CTNNA3: variants seen among roughly 807,000 people sequenced by gnomAD.
The protein encoded by CTNNA3 is catenin alpha 3, also known as catenin alpha-3.
Under a neutral mutation model 95.7 loss-of-function variants are expected in CTNNA3, and 76 were observed. That is an observed-to-expected ratio of 0.79 (90% CI 0.66 to 0.96). The LOEUF (loss-of-function observed/expected upper bound fraction) is 0.96. Among genes scored for constraint, CTNNA3 ranks in the 40% least tolerant of loss-of-function variants. The probability of loss-of-function intolerance (pLI) is 0.00; values close to 1 mark genes in which losing one functional copy is unlikely to be tolerated. For missense variants in CTNNA3, 1,191 were observed against 1,089.8 expected (o/e 1.09, Z -1.31); for synonymous variants, 431 against 374.4 (o/e 1.15, Z -1.74).
At chr10:67,196,314 TTGGTACATTA>T (rs1337816871) in intron 6 of CTNNA3, among the ~76,000 whole-genome samples, 1 of 152,028 alleles carries the variant, frequency 6.6e-6, no homozygotes, top group Admixed American at 6.6e-5. Context: ...TTATAGTACT[TTGGTACATTA>T]GTGTAATCTA....
rs779748415 is a variant in CTNNA3 at position 66,927,921 on chromosome 10, G to T, written c.1048-152397C>A. 1.2e-6 allele frequency: 2 copies of T among 1,614,218 alleles called. No individual in the cohort carries two copies. Among genetic ancestry groups the T allele is most frequent in the South Asian group, 2.2e-5 (2 of 91,080 alleles). The stretch of plus-strand genomic sequence containing the variant: ...TGAAAAGTTTTAAAGGTCTAAGGGA[G>T]AATACAATTATCTGTGCCAGTCCCA... On this transcript the variant is annotated intron_variant, in intron 7 of 17. Transcript: ENST00000433211. This position sits in a 1 kb window ranked among gnomAD's most constrained non-coding sequence, Gnocchi z 4.7.
At chr10:66,978,878 C>T (rs1219660829) in intron 7 of CTNNA3, among the ~76,000 whole-genome samples, 2 of 150,236 alleles carry the variant, frequency 1.3e-5, no homozygotes, top group Non-Finnish European at 3.0e-5. Context: ...TTCACAAAGC[C>T]TATTATTTGA....
chr10:67,152,932 T>G (rs1246846330), intron 7 of CTNNA3, among the ~76,000 whole-genome samples: 1 of 152,148 alleles, frequency 6.6e-6, no homozygotes, highest in Non-Finnish European at 1.5e-5. Context: ...GATGCTTTTA[T>G]ATTACCAGTT....
At chr10:67,728,388 G>A (rs1037638489) in intron 1 of CTNNA3, among the ~76,000 whole-genome samples, 1 of 148,924 alleles carries the variant, frequency 6.7e-6, no homozygotes. Flanking sequence ...GGGAGGTGGA[G>A]GTTATATATA....
At chr10:66,464,813 G>A (rs998339576) in intron 11 of CTNNA3, among the ~76,000 whole-genome samples, 1 of 151,272 alleles carries the variant, frequency 6.6e-6, no homozygotes, top group Non-Finnish European at 1.5e-5. Context: ...TTATTAAACT[G>A]GAATTAACAA....
At chr10:66,375,395 A>G (rs1383628272) in intron 12 of CTNNA3, among the ~76,000 whole-genome samples, 3 of 152,104 alleles carry the variant, frequency 2.0e-5, no homozygotes, top group East Asian at 1.9e-4. Flanking sequence ...AGAGGACACC[A>G]CTAAGCTCCA....
chr10:66,874,031 C>T (rs1033382451), intron 7 of CTNNA3, among the ~76,000 whole-genome samples: 5 of 152,060 alleles, frequency 3.3e-5, no homozygotes, highest in Non-Finnish European at 5.9e-5. Flanking sequence ...GATGCAGAGA[C>T]AGTGAGGGAC....
intron 12 of CTNNA3, among the ~76,000 whole-genome samples, chr10:66,340,542 G>A (rs1292390584): frequency 6.6e-6 from 1 of 151,662 alleles, no homozygotes; most frequent in Non-Finnish European, 1.5e-5. Flanking sequence ...AGACAGGAAG[G>A]AGCCTATACT....
At chr10:66,481,910 T>C (rs993423698) in intron 11 of CTNNA3, among the ~76,000 whole-genome samples, 1 of 152,126 alleles carries the variant, frequency 6.6e-6, no homozygotes, top group Non-Finnish European at 1.5e-5. Flanking sequence ...GGTATTTGTA[T>C]ACCCATGTTA....
chr10:66,506,582 G>A (rs141269831), intron 11 of CTNNA3, among the ~76,000 whole-genome samples: 9 of 152,138 alleles, frequency 5.9e-5, no homozygotes, highest in African/African-American at 1.2e-4. Flanking sequence ...TTTTGTTTAC[G>A]TAACAAATAC....
At chr10:66,581,110 A>T (rs533860525) in intron 10 of CTNNA3, among the ~76,000 whole-genome samples, 1 of 151,814 alleles carries the variant, frequency 6.6e-6, no homozygotes, top group African/African-American at 2.4e-5. Context: ...GTATTCCATG[A>T]TAACATACAT....
rs11368044 is a variant in CTNNA3, at chr10:66,977,434, C to CAA, written c.1048-201912_1048-201911dup. ...CTGGCGATAGAGTGAAACTCTGTCTCAAAAAAAAAAAAAATGTATAAAGAT... is the reference window on the plus strand; with the variant it reads ...CTGGCGATAGAGTGAAACTCTGTCTCAAAAAAAAAAAAAAAATGTATAAAGAT... On this transcript the variant is annotated intron_variant, in intron 7 of 17. Coordinates refer to ENST00000433211, the MANE Select transcript of CTNNA3 (RefSeq NM_013266.4). 8.0e-4 allele frequency among the ~76,000 whole-genome samples: 116 copies of CAA among 145,128 alleles called. No homozygotes were observed. In the East Asian group the frequency reaches 8.3e-3, roughly 10 times the overall value.
chr10:66,225,324 A>G (rs949455967), intron 13 of CTNNA3, among the ~76,000 whole-genome samples: 5 of 149,928 alleles, frequency 3.3e-5, no homozygotes, highest in Non-Finnish European at 7.4e-5. Context: ...CTTATTTTGC[A>G]TAACATAATC....
intron 5 of CTNNA3, among the ~76,000 whole-genome samples, chr10:67,406,593 A>G (rs1417125830): frequency 6.6e-6 from 1 of 152,168 alleles, no homozygotes; most frequent in African/African-American, 2.4e-5. Context: ...TAAAGGAGAT[A>G]GAAACATGAA....
intron 7 of CTNNA3, chr10:66,926,662 G>A: frequency 6.5e-7 from 1 of 1,528,688 alleles, no homozygotes; most frequent in Non-Finnish European, 9.0e-7. Context: ...TAATAATTCT[G>A]CCTTAATTAT....
At chr10:67,203,563 A>G (rs181314101) in intron 6 of CTNNA3, among the ~76,000 whole-genome samples, 2 of 152,324 alleles carry the variant, frequency 1.3e-5, no homozygotes, top group Non-Finnish European at 2.9e-5. Flanking sequence ...ACTTCCAGTC[A>G]CTACAACTGT....
At chr10:66,339,803 G>GT (rs2092435028) in intron 12 of CTNNA3, among the ~76,000 whole-genome samples, 1 of 151,604 alleles carries the variant, frequency 6.6e-6, no homozygotes, top group South Asian at 2.1e-4. Context: ...TAGACTTCTG[G>GT]TTTACCTATG....
intron 12 of CTNNA3, among the ~76,000 whole-genome samples, chr10:66,293,182 G>T (rs764680456): frequency 5.9e-5 from 9 of 152,092 alleles, no homozygotes; most frequent in Admixed American, 2.0e-4. Flanking sequence ...GCTTTTAAAA[G>T]GTTAACAATC....
intron 7 of CTNNA3, among the ~76,000 whole-genome samples, chr10:66,800,541 AAAT>A (rs1841390993): frequency 6.6e-6 from 1 of 151,310 alleles, no homozygotes; most frequent in Non-Finnish European, 1.5e-5. Context: ...TACATAAACA[AAAT>A]AAGGCAAAAG....
Sources: gnomAD v4.1 joint callset for allele counts (sites outside exome capture counted in the v4.1 genomes callset) on GRCh38, gnomAD v4.1.1 for gene constraint, Gnocchi (gnomAD v3.1) non-coding constraint, MANE v1.5 for transcripts, NCBI Gene and HGNC (gene_info 2026-07-23, HGNC 2026-07-21) for gene names.